The following ABCA6 variants were observed in gnomAD, a reference collection of about 807,000 sequenced individuals.
The protein encoded by ABCA6 is ATP-binding cassette sub-family A member 6.
Under a neutral mutation model 191.2 loss-of-function variants are expected in ABCA6, and 164 were observed. The observed-to-expected ratio is 0.86, with a 90% CI of 0.76 to 0.98. ABCA6 has a LOEUF of 0.98. Among genes scored for constraint, ABCA6 ranks in the 50% least tolerant of loss-of-function variants. The pLI is 0.00. For synonymous variants in ABCA6, 636 were observed against 647.7 expected, an observed-to-expected ratio of 0.98 and a Z score of 0.27; for missense variants, 1,958 against 1,894.1, an observed-to-expected ratio of 1.03 and a Z score of -0.63.
chr17:69,089,249 CAA>C (rs1034517295), intron 27 of ABCA6, among the ~76,000 whole-genome samples: 1 of 152,062 alleles, frequency 6.6e-6, no homozygotes, highest in Non-Finnish European at 1.5e-5. Context: ...GATAAGCAAA[CAA>C]AAAATTAATT....
chr17:69,095,457 G>C (rs2073023154), intron 25 of ABCA6: 2 of 152,272 alleles, frequency 1.3e-5, no homozygotes, highest in African/African-American at 4.8e-5. Flanking sequence ...ACAGCTACCT[G>C]CTGGCCAAAA....
At chr17:69,105,810 A>C in intron 19 of ABCA6, 182 bp from the exon 20 acceptor site, 2 of 709,108 alleles carry the variant, frequency 2.8e-6, no homozygotes, top group Non-Finnish European at 4.5e-6. Context: ...CTATATAAAC[A>C]CCAGGTTATC....
At chr17:69,082,670 G>C (rs771278918) in intron 36 of ABCA6, among the ~76,000 whole-genome samples, 9 of 152,268 alleles carry the variant, frequency 5.9e-5, no homozygotes, top group Middle Eastern at 6.8e-3. Flanking sequence ...TGGCCAAGGA[G>C]AGTGTGCCTG....
rs765379105 is a variant in ABCA6, at chr17:69,085,184, TA to T, written c.4030-3del. 28 of 1,601,480 alleles carry T rather than the reference TA, an allele frequency of 1.7e-5. No homozygotes were observed. Among genetic ancestry groups the T allele is most frequent in the Admixed American group, 5.2e-5 (3 of 57,278 alleles). ...TGAACTGCAGCCTTTCAGTTCCACC[TA>T]AAAAAATAAAAGAGCTTTAGAAAGG... On this transcript the variant is annotated splice_polypyrimidine_tract_variant and splice_region_variant and intron_variant, in intron 31 of 38. Coordinates refer to ENST00000284425, the MANE Select transcript of ABCA6 (RefSeq NM_080284.3).
intron 32 of ABCA6, 127 bp from the exon 33 acceptor site, chr17:69,084,634 TA>T (rs920668438): frequency 2.4e-6 from 2 of 839,910 alleles, no homozygotes; most frequent in African/African-American, 1.7e-5. Flanking sequence ...CTCATAATTT[TA>T]AAAAAGAGAT....
chr17:69,108,943 A>G (rs2073363395), intron 17 of ABCA6: 1 of 152,224 alleles, frequency 6.6e-6, no homozygotes. Flanking sequence ...ATAATTCCTT[A>G]TTCTCCATCT....
chr17:69,123,230 TGTGATTACCTG>T lies in ABCA6; in HGVS notation c.1434_1436+8del. 1 of 1,439,874 alleles carries T rather than the reference TGTGATTACCTG, an allele frequency of 6.9e-7. No individual in the cohort carries two copies. Among genetic ancestry groups the T allele is most frequent in the Non-Finnish European group, 9.2e-7 (1 of 1,081,518 alleles). The allele number at this position is 1,439,874 out of a possible 1,614,324, so 89.2% of individuals were successfully genotyped here. On this transcript the variant is annotated splice_donor_variant and splice_donor_5th_base_variant and coding_sequence_variant and intron_variant, in exon 10 of 39. Coordinates refer to ENST00000284425, the MANE Select transcript of ABCA6 (RefSeq NM_080284.3). LOFTEE classifies it high-confidence loss of function. ...CTCATGCATTAGTATTACTTATAAGTGTGATTACCTGATGGCTTCTTTTCCTTGGAATTCAG... is the reference window on the plus strand; with the variant it reads ...CTCATGCATTAGTATTACTTATAAGTATGGCTTCTTTTCCTTGGAATTCAG...
chr17:69,133,885 C>A lies in ABCA6; in HGVS notation c.565-18G>T. 6.9e-7 allele frequency: 1 copy of A among 1,459,296 alleles called. No homozygotes were observed. Among genetic ancestry groups the A allele is most frequent in the Non-Finnish European group, 9.4e-7 (1 of 1,068,090 alleles). 90.4% of individuals were successfully genotyped at this position (1,459,296 alleles called of 1,614,324 possible). A position where few individuals can be genotyped will look rare whatever the true frequency, so the allele number is the denominator to read the frequency against. ...GTTGTGATCTAAAGTAGAGTTTAAACAAACATAATTATTATTTAAAAGATA... is the reference window on the plus strand; with the variant it reads ...GTTGTGATCTAAAGTAGAGTTTAAAAAAACATAATTATTATTTAAAAGATA... On this transcript the variant is annotated intron_variant, in intron 5 of 38. Transcript: ENST00000284425.
At chr17:69,136,060 A>C (rs771038522) in intron 4 of ABCA6, 32 bp downstream of exon 4, 2 of 1,593,646 alleles carry the variant, frequency 1.3e-6, no homozygotes, top group African/African-American at 2.7e-5. Flanking sequence ...AACATGAAAA[A>C]TTCCATAATG....
intron 34 of ABCA6, 65 bp downstream of exon 34, chr17:69,084,196 C>G: frequency 6.7e-7 from 1 of 1,481,560 alleles, no homozygotes; most frequent in Admixed American, 1.8e-5. Context: ...TTTTCCAAGA[C>G]CAGTTAAAAT....
chr17:69,115,700 G>A (rs1381919193), intron 11 of ABCA6: 3 of 357,118 alleles, frequency 8.4e-6, no homozygotes, highest in Non-Finnish European at 1.5e-5. Context: ...TACTGGTGCA[G>A]GATATAGTGA....
At chr17:69,118,907 CATAG>C (rs756318936) in intron 10 of ABCA6, among the ~76,000 whole-genome samples, 8 of 151,946 alleles carry the variant, frequency 5.3e-5, no homozygotes, top group Non-Finnish European at 1.0e-4. Context: ...TGGTTTGCTG[CATAG>C]ATAGTCTCTC....
At chr17:69,134,786 G>A in intron 4 of ABCA6, 44 bp from the exon 5 acceptor site, 1 of 1,338,214 alleles carries the variant, frequency 7.5e-7, no homozygotes, top group Middle Eastern at 1.8e-4. Context: ...TGGGACGAGG[G>A]CAGTTGGAGA....
chr17:69,079,301 G>C (rs776108383), intron 37 of ABCA6, 36 bp from the exon 38 acceptor site: 1 of 1,503,488 alleles, frequency 6.7e-7, no homozygotes, highest in African/African-American at 1.4e-5. Flanking sequence ...AATAGTAGAT[G>C]CTTACAATTT....
chr17:69,086,257 A>C (rs576339208), intron 30 of ABCA6, among the ~76,000 whole-genome samples: 49 of 152,220 alleles, frequency 3.2e-4, no homozygotes, highest in African/African-American at 1.2e-3. Context: ...AACTTGTATA[A>C]AACACAAACT....
intron 2 of ABCA6, among the ~76,000 whole-genome samples, chr17:69,138,227 A>G (rs779286847): frequency 6.6e-6 from 1 of 152,144 alleles, no homozygotes. Context: ...AGGTGCCTGA[A>G]TGATTGTGTG....
chr17:69,134,764 C>T, intron 4 of ABCA6, 22 bp from the exon 5 acceptor site: 3 of 1,535,302 alleles, frequency 2.0e-6, no homozygotes, highest in East Asian at 4.5e-5. Context: ...AAGAAAAGCA[C>T]AGCCAACATT....
intron 3 of ABCA6, among the ~76,000 whole-genome samples, chr17:69,136,815 C>G (rs575398931): frequency 6.6e-6 from 1 of 152,068 alleles, no homozygotes; most frequent in African/African-American, 2.4e-5. Flanking sequence ...AGAATAAAGA[C>G]TTTTAAAGAT....
chr17:69,123,842 A>G (rs1460631221), intron 9 of ABCA6, among the ~76,000 whole-genome samples: 5 of 152,054 alleles, frequency 3.3e-5, no homozygotes, highest in South Asian at 2.1e-4. Context: ...TTCCAGTCTT[A>G]ACAATGGGTT....
Sources: allele counts gnomAD v4.1 joint callset (sites outside exome capture counted in the v4.1 genomes callset), GRCh38; gene constraint gnomAD v4.1.1; transcripts MANE v1.5; gene names NCBI Gene and HGNC (gene_info 2026-07-23, HGNC 2026-07-21).